ROR1: variants seen among roughly 807,000 people sequenced by gnomAD.
The protein encoded by ROR1 is ROR family WNT receptor 1.
A neutral mutation model predicts 78.8 loss-of-function variants in ROR1; 19 were observed. The ratio of observed to expected loss-of-function variants is 0.24; its 90% CI spans 0.17 to 0.35. The LOEUF is 0.35. ROR1 is among the 10% of genes least tolerant of loss of function. The probability of loss-of-function intolerance (pLI) is 1.00; values close to 1 mark genes in which losing one functional copy is unlikely to be tolerated. For missense variants in ROR1, 917 were observed against 1,177.8 expected, an observed-to-expected ratio of 0.78 and a Z score of 3.24; for synonymous variants, 386 against 433.6, an observed-to-expected ratio of 0.89 and a Z score of 1.36.
chr1:63,822,395 G>A (rs1644928727), intron 1 of ROR1, among the ~76,000 whole-genome samples: 1 of 151,924 alleles, frequency 6.6e-6, no homozygotes. Context: ...ACTTATATGA[G>A]CATCCAGAAG....
rs149415965 is a variant in ROR1 at position 63,853,382 on chromosome 1, C to A, written c.91+78874C>A. 2.9e-3 allele frequency among the ~76,000 whole-genome samples: 448 copies of A among 152,238 alleles called. 6 individuals carry two copies. The highest frequency in any genetic ancestry group is 0.024 in the Admixed American group (360 of 15,294). ...CAAGATCATATATAGGTTGGGTATC[C>A]CTAATCTGAGAATCCAAAACCCAAA... On this transcript the variant is annotated intron_variant, in intron 1 of 8. Transcript: ENST00000371079.
At chr1:63,871,415 T>C (rs1645250721) in intron 1 of ROR1, among the ~76,000 whole-genome samples, 2 of 152,114 alleles carry the variant, frequency 1.3e-5, no homozygotes, top group South Asian at 4.1e-4. Context: ...TAGAGGGATG[T>C]TGTGAGCAAA....
chr1:63,878,815 C>G (rs1271496732), intron 1 of ROR1, among the ~76,000 whole-genome samples: 1 of 152,080 alleles, frequency 6.6e-6, no homozygotes, highest in African/African-American at 2.4e-5. Context: ...TAGTTATGTA[C>G]TTATTTCTTG....
chr1:64,060,623 G>C (rs759462265), intron 4 of ROR1, among the ~76,000 whole-genome samples: 4 of 152,132 alleles, frequency 2.6e-5, no homozygotes, highest in Admixed American at 6.5e-5. Flanking sequence ...AGCAGTTCAG[G>C]GGGGAGGCAT....
At chr1:64,159,249 T>G (rs1241152040) in intron 8 of ROR1, 57 bp downstream of exon 8, 1 of 1,285,454 alleles carries the variant, frequency 7.8e-7, no homozygotes, top group African/African-American at 1.5e-5. Context: ...TAAAGCACCA[T>G]GTTATAACCC....
In ROR1 at chr1:63,973,036, C is replaced by T. The variant is rs956128521; in HGVS notation, c.92-36269C>T. The stretch of plus-strand genomic sequence containing the variant: ...GCAGGGAGCCAGTGCTCAGGAAGGG[C>T]AGGCTGCTGCTTCTCTCCTTCTCCT... On this transcript the variant is annotated intron_variant, in intron 1 of 8. Transcript: ENST00000371079. Among the ~76,000 whole-genome samples the T allele has an allele frequency of 4.6e-5, 7 of 152,224 alleles. No homozygotes were observed. The East Asian group carries it at 9.6e-4, about 21-fold the overall frequency.
intron 2 of ROR1, among the ~76,000 whole-genome samples, chr1:64,042,465 C>T (rs892869750): frequency 2.0e-5 from 3 of 152,104 alleles, no homozygotes; most frequent in Non-Finnish European, 4.4e-5. Flanking sequence ...GCTCCAGAGC[C>T]CATGCTCTTG....
chr1:63,995,397 A>G (rs1646328828), intron 1 of ROR1, among the ~76,000 whole-genome samples: 1 of 152,142 alleles, frequency 6.6e-6, no homozygotes, highest in Non-Finnish European at 1.5e-5. Context: ...CTCAAATTTG[A>G]TTAAATGAGC....
At chr1:63,980,796 C>T (rs1023799857) in intron 1 of ROR1, among the ~76,000 whole-genome samples, 1 of 152,224 alleles carries the variant, frequency 6.6e-6, no homozygotes, top group African/African-American at 2.4e-5. Flanking sequence ...CCTAGTCACA[C>T]TGGGCCTGTG....
chr1:63,875,845 T>C (rs1249948731), intron 1 of ROR1, among the ~76,000 whole-genome samples: 1 of 152,194 alleles, frequency 6.6e-6, no homozygotes, highest in Non-Finnish European at 1.5e-5. Flanking sequence ...CTACATTGCC[T>C]ACTAATCTTG....
At chr1:63,956,649 T>G (rs939321098) in intron 1 of ROR1, among the ~76,000 whole-genome samples, 2 of 152,212 alleles carry the variant, frequency 1.3e-5, no homozygotes, top group Non-Finnish European at 2.9e-5. Context: ...ACAAACATTG[T>G]GATGCCTTGT....
At chr1:63,813,137 C>T (rs1644870347) in intron 1 of ROR1, among the ~76,000 whole-genome samples, 1 of 151,932 alleles carries the variant, frequency 6.6e-6, no homozygotes, top group South Asian at 2.1e-4. Flanking sequence ...AGTTACTCAT[C>T]ATTAGAAGTG....
chr1:64,152,249 T>G (rs1649648808), intron 7 of ROR1, among the ~76,000 whole-genome samples: 1 of 152,242 alleles, frequency 6.6e-6, no homozygotes, highest in Admixed American at 6.5e-5. Context: ...ATCCTTCATT[T>G]GATTTTCTCT....
At chr1:63,973,426 A>G (rs893982030) in intron 1 of ROR1, among the ~76,000 whole-genome samples, 2 of 152,166 alleles carry the variant, frequency 1.3e-5, no homozygotes, top group African/African-American at 4.8e-5. Context: ...ACCTCTACCC[A>G]GTCCCAGTGG....
intron 7 of ROR1, among the ~76,000 whole-genome samples, chr1:64,153,503 A>G (rs1649685592): frequency 6.6e-6 from 1 of 152,234 alleles, no homozygotes; most frequent in Admixed American, 6.5e-5. Flanking sequence ...GAAGCAACCC[A>G]AATGTCCATC....
intron 4 of ROR1, among the ~76,000 whole-genome samples, chr1:64,087,860 A>T (rs867186811): frequency 2.0e-5 from 3 of 152,220 alleles, no homozygotes; most frequent in African/African-American, 7.2e-5. Flanking sequence ...ATAACAAATG[A>T]GTTACATGTA....
At position 63,774,358 on chromosome 1, in the gene ROR1, C is replaced by T; in HGVS notation, c.-60C>T. The T allele has an allele frequency of 9.1e-7, 1 of 1,103,332 alleles. No homozygotes were observed. 68.3% of individuals were successfully genotyped at this position (1,103,332 alleles called of 1,614,324 possible). The stretch of plus-strand genomic sequence containing the variant: ...GGCGGCCGGGAGCCCGGGAAGAGCC[C>T]GTGGATGTTCTGCGCGCGGCCTGGG... On this transcript the variant is annotated 5_prime_UTR_variant, in exon 1 of 9. Transcript: ENST00000371079. The surrounding 1 kb of genome is among the most constrained non-coding windows in gnomAD (Gnocchi z 5.7).
chr1:64,150,001 T>C (rs1196089946), intron 7 of ROR1, among the ~76,000 whole-genome samples: 1 of 152,190 alleles, frequency 6.6e-6, no homozygotes, highest in East Asian at 1.9e-4. Context: ...CTGTCTCTCA[T>C]TTAGATCCCC....
intron 1 of ROR1, among the ~76,000 whole-genome samples, chr1:63,912,830 G>A (rs1039283873): frequency 1.3e-5 from 2 of 152,196 alleles, no homozygotes; most frequent in African/African-American, 4.8e-5. Context: ...CAGAGGAGGA[G>A]AAATCTTCCA....
Sources: allele counts gnomAD v4.1 joint callset (sites outside exome capture counted in the v4.1 genomes callset), GRCh38; gene constraint gnomAD v4.1.1; non-coding constraint Gnocchi (gnomAD v3.1); transcripts MANE v1.5; gene names NCBI Gene and HGNC (gene_info 2026-07-23, HGNC 2026-07-21).